Variants in HIVEP3 observed in about 807,000 individuals in gnomAD.
HIVEP3 encodes the protein transcription factor HIVEP3.
HIVEP3 carries 49 observed loss-of-function variants against 152.8 expected under a neutral mutation model. That is an observed-to-expected ratio of 0.32 (90% CI 0.26 to 0.41). The LOEUF (loss-of-function observed/expected upper bound fraction) is 0.41, where lower values mean the gene tolerates loss of function less well. Among genes scored for constraint, HIVEP3 ranks in the 10% least tolerant of loss-of-function variants. The probability of loss-of-function intolerance (pLI) is 1.00; values close to 1 mark genes in which losing one functional copy is unlikely to be tolerated. For missense variants in HIVEP3, 2,790 were observed against 3,103.3 expected (o/e 0.90, Z 2.40); for synonymous variants, 1,269 against 1,289.0 (o/e 0.98, Z 0.33).
Position 41,583,215 on chromosome 1 carries a change from G to C in HIVEP3, c.1583C>G (p.Pro528Arg), listed in dbSNP as rs200550236. The change falls in exon 4 of 9, where the codon CCG becomes CGG. Residue 528 changes from proline (P) to arginine (R), a missense_variant. Physicochemically the swap from Pro to Arg is moderately radical, Grantham distance 103. Coordinates refer to ENST00000372583, the MANE Select transcript of HIVEP3 (RefSeq NM_024503.5). The surrounding 1 kb of genome is among the most constrained non-coding windows in gnomAD (Gnocchi z 6.9). The part of the protein sequence containing the change: ...PEQSLLSLQH[P>R]PSTAPPVPLL... ...AGGCACAGGGGGGGCGGTACTGGGC[G>C]GGTGCTGGAGGCTCAGCAGTGATTG... 13 of 1,611,190 alleles carry C rather than the reference G, an allele frequency of 8.1e-6. No homozygotes were observed. The highest frequency in any genetic ancestry group is 1.1e-5 in the Non-Finnish European group (13 of 1,178,432).
chr1:41,582,943 C>T lies in HIVEP3; in HGVS notation c.1855G>A (p.Asp619Asn). 1.2e-6 allele frequency: 2 copies of T among 1,614,110 alleles called. No individual in the cohort carries two copies. Among genetic ancestry groups the T allele is most frequent in the South Asian group, 1.1e-5 (1 of 91,074 alleles). Residue 619 changes from aspartate (D) to asparagine (N), a missense_variant, in exon 4 of 9, where the codon GAC (aspartate) becomes AAC (asparagine). Asp to Asn is a conservative substitution (Grantham distance 23, BLOSUM62 1). Around this residue, in one of 9 missense-constraint regions of HIVEP3, gnomAD observed 339 missense variants for 327.0 expected, o/e 1.04. Coordinates refer to ENST00000372583, the MANE Select transcript of HIVEP3 (RefSeq NM_024503.5). This position sits in a 1 kb window ranked among gnomAD's most constrained non-coding sequence, Gnocchi z 4.7. ...TCGCTTTCCTTGGGTTCCACTTCGTCCGAGGGCTTGGAGGCTGTGTCTTTG... is the reference window on the plus strand; with the variant it reads ...TCGCTTTCCTTGGGTTCCACTTCGTTCGAGGGCTTGGAGGCTGTGTCTTTG... ...SSKDTASKPS[D>N]EVEPKESELT...
chr1:41,660,507 A>ATC (rs1645696599), intron 2 of HIVEP3, among the ~76,000 whole-genome samples: 1 of 152,154 alleles, frequency 6.6e-6, no homozygotes, highest in Admixed American at 6.5e-5. Context: ...CTACTGGGTG[A>ATC]TCTTGGGCCA....
chr1:41,558,149 A>G (rs1473437035), intron 5 of HIVEP3, among the ~76,000 whole-genome samples: 1 of 152,178 alleles, frequency 6.6e-6, no homozygotes, highest in Non-Finnish European at 1.5e-5. Flanking sequence ...GTGGCCTCTC[A>G]GGTGCCCCAC....
intron 2 of HIVEP3, among the ~76,000 whole-genome samples, chr1:41,659,951 T>A (rs369183970): frequency 6.6e-6 from 1 of 152,066 alleles, no homozygotes; most frequent in East Asian, 1.9e-4. Flanking sequence ...ATGGGATGAA[T>A]GTGTGTGTGT....
At chr1:41,722,401 TG>T (rs1646686457) in intron 1 of HIVEP3, among the ~76,000 whole-genome samples, 1 of 120,548 alleles carries the variant, frequency 8.3e-6, no homozygotes, top group Non-Finnish European at 1.7e-5. Flanking sequence ...TAAATTTGGC[TG>T]GCCTTCCTTC....
chr1:41,933,732 C>A (rs1645006410), intron 1 of HIVEP3, among the ~76,000 whole-genome samples: 2 of 150,598 alleles, frequency 1.3e-5, no homozygotes, highest in Admixed American at 6.6e-5. Context: ...CTGTTTTTTT[C>A]TTCTTTTCTT....
intron 3 of HIVEP3, among the ~76,000 whole-genome samples, chr1:41,616,235 C>T (rs1483969612): frequency 6.6e-6 from 1 of 152,144 alleles, no homozygotes; most frequent in Non-Finnish European, 1.5e-5. Flanking sequence ...AAACTTAGAG[C>T]ACCCCAAGTG....
Position 41,533,531 on chromosome 1 carries a change from G to A in HIVEP3, c.5208-8621C>T, listed in dbSNP as rs907799306. ...CCTCCTCCCCACTCTATGCTTTTGAGCCGCTGCAGCCCAGCTCTGATGACC... is the reference window on the plus strand; with the variant it reads ...CCTCCTCCCCACTCTATGCTTTTGAACCGCTGCAGCCCAGCTCTGATGACC... On this transcript the variant is annotated intron_variant, in intron 5 of 8. Coordinates refer to ENST00000372583, the MANE Select transcript of HIVEP3 (RefSeq NM_024503.5). This position sits in a 1 kb window ranked among gnomAD's most constrained non-coding sequence, Gnocchi z 4.3. Among the ~76,000 whole-genome samples, 3 of 152,086 alleles carry A rather than the reference G, an allele frequency of 2.0e-5. No individual in the cohort carries two copies. The highest frequency in any genetic ancestry group is 7.2e-5 in the African/African-American group (3 of 41,404).
At chr1:41,941,342 C>G (rs982370149) in intron 1 of HIVEP3, among the ~76,000 whole-genome samples, 3 of 152,130 alleles carry the variant, frequency 2.0e-5, no homozygotes, top group African/African-American at 4.8e-5. Flanking sequence ...AAGACGATGG[C>G]CAAGGAGCCG....
chr1:42,017,927 T>C (rs1043719175), intron 1 of HIVEP3, among the ~76,000 whole-genome samples: 24 of 152,120 alleles, frequency 1.6e-4, no homozygotes, highest in African/African-American at 3.9e-4. Flanking sequence ...CATGTTCTTG[T>C]CAACATTTGG....
chr1:41,647,893 G>C (rs892419056), intron 2 of HIVEP3, among the ~76,000 whole-genome samples: 1 of 152,214 alleles, frequency 6.6e-6, no homozygotes, highest in Non-Finnish European at 1.5e-5. Flanking sequence ...GCCTCTGGGA[G>C]GCCCCTGACT....
intron 1 of HIVEP3, among the ~76,000 whole-genome samples, chr1:42,000,367 G>C (rs1398648398): frequency 2.0e-5 from 3 of 152,162 alleles, no homozygotes; most frequent in African/African-American, 7.2e-5. Context: ...CCCTAAACCA[G>C]CCACTGTAAA....
At chr1:41,623,036 A>T (rs1374137422) in intron 3 of HIVEP3, among the ~76,000 whole-genome samples, 1 of 152,204 alleles carries the variant, frequency 6.6e-6, no homozygotes, top group Non-Finnish European at 1.5e-5. Flanking sequence ...TATGAGACAG[A>T]GCCCGGATGC....
intron 2 of HIVEP3, among the ~76,000 whole-genome samples, chr1:41,643,595 A>G (rs1385671335): frequency 1.3e-5 from 2 of 152,252 alleles, no homozygotes; most frequent in Non-Finnish European, 2.9e-5. Flanking sequence ...ACAGATACAC[A>G]GTCTGCCTGG....
intron 1 of HIVEP3, among the ~76,000 whole-genome samples, chr1:41,983,085 C>T (rs1570866462): frequency 6.6e-6 from 1 of 152,264 alleles, no homozygotes; most frequent in East Asian, 1.9e-4. Flanking sequence ...GGGTTCACAC[C>T]CCTACGAGAA....
chr1:41,881,709 G>T (rs1644264518), intron 1 of HIVEP3, among the ~76,000 whole-genome samples: 1 of 152,196 alleles, frequency 6.6e-6, no homozygotes, highest in African/African-American at 2.4e-5. Flanking sequence ...TGTAGGTACA[G>T]CATTGAGAAG....
chr1:41,689,954 C>T (rs542525233), intron 2 of HIVEP3, among the ~76,000 whole-genome samples: 4 of 152,368 alleles, frequency 2.6e-5, no homozygotes, highest in South Asian at 4.1e-4. Flanking sequence ...CAGCCTTCCA[C>T]GGTCCTCCGG....
At chr1:41,981,568 A>G (rs1324186348) in intron 1 of HIVEP3, among the ~76,000 whole-genome samples, 2 of 152,068 alleles carry the variant, frequency 1.3e-5, no homozygotes, top group Non-Finnish European at 2.9e-5. Context: ...AAACTGGGTA[A>G]CCACACTGCC....
intron 1 of HIVEP3, among the ~76,000 whole-genome samples, chr1:41,798,395 A>G (rs1336065072): frequency 6.6e-6 from 1 of 152,130 alleles, no homozygotes; most frequent in African/African-American, 2.4e-5. Context: ...TGGAGGGAAT[A>G]TTACAAGTCC....
Sources: gnomAD v4.1 joint callset for allele counts (sites outside exome capture counted in the v4.1 genomes callset) on GRCh38, gnomAD v4.1.1 for gene constraint, gnomAD v4.1.1 regional missense constraint, Gnocchi (gnomAD v3.1) non-coding constraint, MANE v1.5 for transcripts, NCBI Gene and HGNC (gene_info 2026-07-23, HGNC 2026-07-21) for gene names.